Variants in TBC1D22A observed in about 807,000 individuals in gnomAD.
The protein encoded by TBC1D22A is TBC1 domain family member 22A.
A neutral mutation model predicts 60.2 loss-of-function variants in TBC1D22A; 38 were observed. The ratio of observed to expected loss-of-function variants is 0.63; its 90% CI spans 0.49 to 0.83. The LOEUF (loss-of-function observed/expected upper bound fraction) is 0.83, where lower values mean the gene tolerates loss of function less well. Among genes scored for constraint, TBC1D22A ranks in the 40% least tolerant of loss-of-function variants. The pLI is 0.00. For synonymous variants in TBC1D22A, 302 were observed against 281.7 expected (o/e 1.07, Z -0.72); for missense variants, 628 against 701.0 (o/e 0.90, Z 1.18).
chr22:46,783,928 G>C (rs1212104656), intron 1 of TBC1D22A, among the ~76,000 whole-genome samples: 1 of 152,216 alleles, frequency 6.6e-6, no homozygotes, highest in African/African-American at 2.4e-5. Context: ...CTATCAAGAA[G>C]TGGAATTACG....
intron 12 of TBC1D22A, among the ~76,000 whole-genome samples, chr22:47,161,789 G>GTGAGCT (rs774025392): frequency 6.6e-5 from 10 of 152,368 alleles, no homozygotes; most frequent in Middle Eastern, 3.4e-3. Context: ...ACCCGACAGT[G>GTGAGCT]TGAGCTTGAG....
chr22:46,946,350 C>T (rs1238828216), intron 8 of TBC1D22A, among the ~76,000 whole-genome samples: 1 of 152,204 alleles, frequency 6.6e-6, no homozygotes. Flanking sequence ...TAAGAGGTTG[C>T]AGGAGAAAGG....
intron 1 of TBC1D22A, chr22:46,789,113 G>A (rs1321388328): frequency 6.0e-6 from 1 of 167,202 alleles, no homozygotes; most frequent in Admixed American, 6.8e-5. Flanking sequence ...TTTTCTTAAG[G>A]AATCTTCCTT....
intron 8 of TBC1D22A, among the ~76,000 whole-genome samples, chr22:46,956,912 C>G (rs1025405720): frequency 6.6e-6 from 1 of 152,188 alleles, no homozygotes; most frequent in Non-Finnish European, 1.5e-5. Context: ...GGGCCAGATC[C>G]GGCCTGAACT....
intron 4 of TBC1D22A, among the ~76,000 whole-genome samples, chr22:46,871,815 A>G (rs2067305611): frequency 6.6e-6 from 1 of 152,230 alleles, no homozygotes; most frequent in South Asian, 2.1e-4. Context: ...AAGAAGAGAA[A>G]CAATTTAAGG....
intron 12 of TBC1D22A, among the ~76,000 whole-genome samples, chr22:47,129,425 C>T (rs2066603759): frequency 6.6e-6 from 1 of 152,136 alleles, no homozygotes. Flanking sequence ...TGCAGTGAGC[C>T]GAGATTGTGC....
intron 5 of TBC1D22A, among the ~76,000 whole-genome samples, chr22:46,884,353 T>G (rs530080851): frequency 7.2e-5 from 11 of 152,188 alleles, no homozygotes; most frequent in Non-Finnish European, 1.6e-4. Flanking sequence ...CATTCCTGTC[T>G]GGTTCATTCT....
intron 3 of TBC1D22A, among the ~76,000 whole-genome samples, chr22:46,794,840 C>T (rs992901315): frequency 6.6e-6 from 1 of 152,180 alleles, no homozygotes; most frequent in Admixed American, 6.5e-5. Flanking sequence ...GGGCGAAGTC[C>T]AGCTGGATTG....
intron 12 of TBC1D22A, among the ~76,000 whole-genome samples, chr22:47,171,414 C>T (rs573224893): frequency 6.5e-4 from 99 of 152,232 alleles, no homozygotes; most frequent in Middle Eastern, 3.4e-3. Flanking sequence ...TAGGAGAAGC[C>T]GGGGAGCCTG....
intron 12 of TBC1D22A, among the ~76,000 whole-genome samples, chr22:47,114,260 T>TGGGGTGTGGGGTGC (rs2065951643): frequency 6.7e-6 from 1 of 149,408 alleles, no homozygotes; most frequent in Non-Finnish European, 1.5e-5. Context: ...GTGTGGGGTG[T>TGGGGTGTGGGGTGC]GGGGTGTGGG....
intron 10 of TBC1D22A, among the ~76,000 whole-genome samples, chr22:47,004,871 A>G (rs2061531260): frequency 6.6e-6 from 1 of 151,716 alleles, no homozygotes; most frequent in South Asian, 2.1e-4. Flanking sequence ...ACCCCTGTAT[A>G]AGTGCCTATA....
At chr22:46,834,843 C>T (rs756417738) in intron 4 of TBC1D22A, among the ~76,000 whole-genome samples, 1 of 152,318 alleles carries the variant, frequency 6.6e-6, no homozygotes, top group East Asian at 1.9e-4. Flanking sequence ...CACAACTGCA[C>T]CCCTGTAGAC....
chr22:47,052,082 C>A (rs2063242432), intron 11 of TBC1D22A, among the ~76,000 whole-genome samples: 1 of 152,144 alleles, frequency 6.6e-6, no homozygotes, highest in South Asian at 2.1e-4. Context: ...GGCCTCCTGC[C>A]CCCAGCAAGG....
At chr22:47,099,943 A>C (rs1178134632) in intron 11 of TBC1D22A, among the ~76,000 whole-genome samples, 2 of 152,112 alleles carry the variant, frequency 1.3e-5, no homozygotes, top group Admixed American at 6.5e-5. Context: ...CGGGCCCCAA[A>C]CAGTGAGGGC....
chr22:46,823,629 C>T (rs1032111752), intron 4 of TBC1D22A, among the ~76,000 whole-genome samples: 1 of 152,230 alleles, frequency 6.6e-6, no homozygotes, highest in Non-Finnish European at 1.5e-5. Flanking sequence ...TCAATGAATT[C>T]ATGGAAGGCA....
At chr22:47,123,818 G>A (rs966721253) in intron 12 of TBC1D22A, among the ~76,000 whole-genome samples, 2 of 152,364 alleles carry the variant, frequency 1.3e-5, no homozygotes, top group Middle Eastern at 6.8e-3. Flanking sequence ...GTTGCTGCAT[G>A]TGTGAAAGTG....
chr22:46,958,476 C>T (rs2073329488), intron 8 of TBC1D22A, among the ~76,000 whole-genome samples: 1 of 152,192 alleles, frequency 6.6e-6, no homozygotes, highest in South Asian at 2.1e-4. Context: ...GCCACCTTGT[C>T]CACCTGGGTG....
chr22:47,132,611 A>G (rs1271536064), intron 12 of TBC1D22A, among the ~76,000 whole-genome samples: 1 of 152,098 alleles, frequency 6.6e-6, no homozygotes, highest in Non-Finnish European at 1.5e-5. Flanking sequence ...GCTTCTCCCC[A>G]GTGCGAGTGG....
chr22:46,924,722 G>C (rs1490342610), intron 8 of TBC1D22A, among the ~76,000 whole-genome samples: 2 of 149,688 alleles, frequency 1.3e-5, no homozygotes, highest in Admixed American at 6.7e-5. Context: ...TCCAGCCTGA[G>C]CAACAAGAGT....
Sources: allele counts gnomAD v4.1 joint callset (sites outside exome capture counted in the v4.1 genomes callset), GRCh38; gene constraint gnomAD v4.1.1; transcripts MANE v1.5; gene names NCBI Gene and HGNC (gene_info 2026-07-23, HGNC 2026-07-21).